The following ANKRD50 variants were observed in gnomAD, a reference collection of about 807,000 sequenced individuals.
The protein encoded by ANKRD50 is ankyrin repeat domain 50.
ANKRD50 carries 40 observed loss-of-function variants against 112.0 expected under a neutral mutation model. The observed-to-expected ratio is 0.36, with a 90% CI of 0.28 to 0.46. The LOEUF is 0.46. Ranked by LOEUF, ANKRD50 falls within the 20% of genes least tolerant of loss-of-function variation. ANKRD50 has a pLI of 1.00. For missense variants in ANKRD50, 1,487 were observed against 1,701.7 expected, an observed-to-expected ratio of 0.87 and a Z score of 2.22; for synonymous variants, 613 against 619.1, an observed-to-expected ratio of 0.99 and a Z score of 0.15.
chr4:124,668,861 G>A (rs1418808820), intron 4 of ANKRD50, 123 bp downstream of exon 4: 2 of 854,024 alleles, frequency 2.3e-6, no homozygotes, highest in Non-Finnish European at 3.5e-6. Flanking sequence ...AGGCAGGTCT[G>A]GCCCAGATGA....
chr4:124,698,137 G>A (rs1725293253), intron 2 of ANKRD50, among the ~76,000 whole-genome samples: 1 of 151,504 alleles, frequency 6.6e-6, no homozygotes, highest in African/African-American at 2.4e-5. Context: ...TGATGGGAAA[G>A]GGTAAAGTGC....
chr4:124,668,967 T>C lies in ANKRD50; in HGVS notation c.*3+17A>G. On this transcript the variant is annotated intron_variant, in intron 4 of 4. Coordinates refer to ENST00000504087, the MANE Select transcript of ANKRD50 (RefSeq NM_020337.3). ...CTCTACTTTTGTTTTTTACTCTTTA[T>C]GTTGACAAAATATTACCTTTTATAA... 6.3e-7 allele frequency: 1 copy of C among 1,586,494 alleles called. No individual in the cohort carries two copies. The highest frequency in any genetic ancestry group is 8.5e-7 in the Non-Finnish European group (1 of 1,172,732).
intron 2 of ANKRD50, among the ~76,000 whole-genome samples, chr4:124,682,464 C>T (rs1724913834): frequency 6.6e-6 from 1 of 151,044 alleles, no homozygotes; most frequent in African/African-American, 2.4e-5. Context: ...GGTTTATTTA[C>T]TCTATCAGTT....
At chr4:124,697,789 A>G (rs1188171204) in intron 2 of ANKRD50, among the ~76,000 whole-genome samples, 4 of 152,214 alleles carry the variant, frequency 2.6e-5, no homozygotes, top group Non-Finnish European at 2.9e-5. Context: ...GTATAAGAGG[A>G]GAGAACCAAG....
chr4:124,669,573 G>A lies in ANKRD50; in HGVS notation c.3704C>T (p.Pro1235Leu). The change falls in exon 4 of 5, where the codon CCA becomes CTA. Residue 1235 changes from proline (P) to leucine (L), a missense_variant. By Grantham distance (98) the Pro-to-Leu change is moderately conservative (BLOSUM62 -3). Transcript: ENST00000504087. ...RSRSRQSIVSPSSTTQSLGQS... is the reference protein window; with the variant it reads ...RSRSRQSIVSLSSTTQSLGQS... ...TCCTAAGGACTGTGTTGTGGAAGAT[G>A]GGGAAACAATTGACTGTCGACTTCT... The A allele has an allele frequency of 6.2e-7, 1 of 1,613,292 alleles. No individual in the cohort carries two copies. The highest frequency in any genetic ancestry group is 8.5e-7 in the Non-Finnish European group (1 of 1,179,826).
chr4:124,675,738 GTTAA>G (rs1438923494), intron 3 of ANKRD50, among the ~76,000 whole-genome samples: 1 of 151,638 alleles, frequency 6.6e-6, no homozygotes, highest in African/African-American at 2.4e-5. Context: ...ATCTTGGAGG[GTTAA>G]TTTTTTGTGC....
chr4:124,675,550 A>G (rs1424651418), intron 3 of ANKRD50, among the ~76,000 whole-genome samples: 1 of 151,760 alleles, frequency 6.6e-6, no homozygotes. Context: ...ATATAGCATG[A>G]TCTCAACTAG....
intron 2 of ANKRD50, among the ~76,000 whole-genome samples, chr4:124,703,467 C>T (rs966456767): frequency 5.3e-5 from 8 of 151,992 alleles, no homozygotes; most frequent in African/African-American, 1.4e-4. Context: ...GAATAGAAAA[C>T]ATATTTGTCC....
rs960512325 is a variant in ANKRD50 at position 124,682,648 on chromosome 4, T to C, written c.513-3743A>G. Among the ~76,000 whole-genome samples, 14 of 152,170 alleles carry C rather than the reference T, an allele frequency of 9.2e-5. 1 individual carries two copies. The highest frequency in any genetic ancestry group is 2.7e-4 in the African/African-American group (11 of 41,450). On this transcript the variant is annotated intron_variant, in intron 2 of 4. Transcript: ENST00000504087. ...TAGGAAATGACTCTATATCTAGTAA[T>C]AGTCTTTTCTCCAAAATCTACCTTG...
intron 2 of ANKRD50, among the ~76,000 whole-genome samples, chr4:124,693,141 C>A (rs974181067): frequency 2.0e-5 from 3 of 152,022 alleles, no homozygotes; most frequent in Non-Finnish European, 4.4e-5. Flanking sequence ...AGCATGAGGT[C>A]CAATATTAAA....
chr4:124,686,047 G>A (rs948645281), intron 2 of ANKRD50, among the ~76,000 whole-genome samples: 1 of 152,136 alleles, frequency 6.6e-6, no homozygotes, highest in Non-Finnish European at 1.5e-5. Context: ...AAAGGCAGCT[G>A]AAACTGAAAT....
chr4:124,680,600 A>G (rs1388775759), intron 2 of ANKRD50, among the ~76,000 whole-genome samples: 1 of 152,186 alleles, frequency 6.6e-6, no homozygotes, highest in Admixed American at 6.5e-5. Flanking sequence ...GTCCATTATG[A>G]GCATAAAGAT....
Position 124,678,800 on chromosome 4 carries a change from C to A in ANKRD50, c.618G>T (p.Thr206=), listed in dbSNP as rs73847559. The change falls in exon 3 of 5, where the codon ACG becomes ACT. Residue 206 remains threonine, a synonymous_variant. Transcript: ENST00000504087. The stretch of plus-strand genomic sequence containing the variant: ...CAACAGTCCCAGATAAGCTGGTAGA[C>A]GTTTGTTCACCTTCAGTAATGTTAC... ...EGCNITEGEQ[T]STSLSGTVAA... is the part of the protein sequence containing the mutation. 1.9e-6 allele frequency: 3 copies of A among 1,613,778 alleles called. No homozygotes were observed. The Admixed American group carries it at 5.0e-5, about 27-fold the overall frequency.
chr4:124,690,623 T>C (rs1332809826), intron 2 of ANKRD50, among the ~76,000 whole-genome samples: 1 of 152,152 alleles, frequency 6.6e-6, no homozygotes, highest in African/African-American at 2.4e-5. Context: ...AATTAAAGTG[T>C]TACCTTAAAA....
In ANKRD50 at chr4:124,665,104, G is replaced by A. The variant is rs976163483; in HGVS notation, c.*2414C>T. 5.3e-5 allele frequency: 8 copies of A among 151,810 alleles called. No homozygotes were observed. The highest frequency in any genetic ancestry group is 8.8e-5 in the Non-Finnish European group (6 of 67,830). 9.4% of individuals were successfully genotyped at this position (151,810 alleles called of 1,614,324 possible). A position where few individuals can be genotyped will look rare whatever the true frequency, so the allele number is the denominator to read the frequency against. On this transcript the variant is annotated 3_prime_UTR_variant, in exon 5 of 5. Coordinates refer to ENST00000504087, the MANE Select transcript of ANKRD50 (RefSeq NM_020337.3). Reference sequence around the variant, plus strand: ...TGGAGGACAATTTTTACTTTTTAATGGAGCAGAAGCCATTTTCATTTATAG... The same window carrying A: ...TGGAGGACAATTTTTACTTTTTAATAGAGCAGAAGCCATTTTCATTTATAG...
At position 124,678,715 on chromosome 4, in the gene ANKRD50, C is replaced by A; in HGVS notation, c.703G>T (p.Ala235Ser). The change falls in exon 3 of 5, where the codon GCC becomes TCC. Residue 235 changes from alanine to serine, a missense_variant. This residue lies in a region of ANKRD50 where 1,046 missense variants were observed against 1,269.5 expected (regional missense o/e 0.82). Coordinates refer to ENST00000504087, the MANE Select transcript of ANKRD50 (RefSeq NM_020337.3). ...GTAACAGCCTTACTCTGCTTTCGGG[C>A]AGAACAGAGAAGCAATAGCCATGGT... ...FPPWLLLLCS[A>S]RKQSKAVTKM... The A allele has an allele frequency of 6.2e-7, 1 of 1,613,730 alleles. No individual in the cohort carries two copies. The highest frequency in any genetic ancestry group is 1.1e-5 in the South Asian group (1 of 91,066).
At chr4:124,706,501 CA>C (rs979215782) in intron 2 of ANKRD50, among the ~76,000 whole-genome samples, 4 of 151,386 alleles carry the variant, frequency 2.6e-5, no homozygotes, top group African/African-American at 4.9e-5. Context: ...TCATTAGGCA[CA>C]AAAAAAATTA....
intron 2 of ANKRD50, among the ~76,000 whole-genome samples, chr4:124,694,910 C>G (rs1329152197): frequency 1.3e-5 from 2 of 151,960 alleles, no homozygotes; most frequent in African/African-American, 4.8e-5. Context: ...AATTACAAAA[C>G]TTACAATGCC....
rs766399129 is a variant in ANKRD50, at chr4:124,670,644, T to C, written c.2633A>G (p.Asn878Ser). 8.7e-6 allele frequency: 14 copies of C among 1,613,518 alleles called. No individual in the cohort carries two copies. The highest frequency in any genetic ancestry group is 1.6e-4 in the Middle Eastern group (1 of 6,076). The change falls in exon 4 of 5, where the codon AAT becomes AGT. Residue 878 changes from asparagine (N) to serine (S), a missense_variant. Coordinates refer to ENST00000504087, the MANE Select transcript of ANKRD50 (RefSeq NM_020337.3). ...TAATATGAAAGGGATTCGTCCATCA[T>C]TGTCAATCTCATTTGTTCTAGCACC... is the stretch of plus-strand genomic sequence containing the variant. Reference protein sequence around the residue: ...EQGARTNEIDNDGRIPFILAS... With the variant: ...EQGARTNEIDSDGRIPFILAS...
Sources: allele counts gnomAD v4.1 joint callset (sites outside exome capture counted in the v4.1 genomes callset), GRCh38; gene constraint gnomAD v4.1.1; regional missense constraint gnomAD v4.1.1; transcripts MANE v1.5; gene names NCBI Gene and HGNC (gene_info 2026-07-23, HGNC 2026-07-21).